DTNB: variants seen among roughly 807,000 people sequenced by gnomAD.
DTNB encodes the protein DTN-B.
In DTNB, 63 loss-of-function variants were observed where a neutral mutation model predicts 90.7. That is an observed-to-expected ratio of 0.69 (90% CI 0.57 to 0.86). The LOEUF (loss-of-function observed/expected upper bound fraction) is 0.86. DTNB is among the 40% of genes least tolerant of loss of function. DTNB has a pLI of 0.00. For missense variants in DTNB, 744 were observed against 807.1 expected (o/e 0.92, Z 0.95); for synonymous variants, 277 against 286.7 (o/e 0.97, Z 0.34).
At chr2:25,445,983 AT>A (rs1479574380) in intron 12 of DTNB, among the ~76,000 whole-genome samples, 1 of 151,420 alleles carries the variant, frequency 6.6e-6, no homozygotes, top group Non-Finnish European at 1.5e-5. Context: ...GTTTTGAATA[AT>A]AAACTAGCTA....
chr2:25,432,060 A>T (rs2054038612), intron 14 of DTNB, among the ~76,000 whole-genome samples: 1 of 152,224 alleles, frequency 6.6e-6, no homozygotes, highest in African/African-American at 2.4e-5. Context: ...CTCTGGGAAA[A>T]GAAACAAGAG....
At chr2:25,610,308 C>T (rs2068253293) in intron 4 of DTNB, among the ~76,000 whole-genome samples, 1 of 152,096 alleles carries the variant, frequency 6.6e-6, no homozygotes, top group Admixed American at 6.5e-5. Flanking sequence ...TTTAGCTACA[C>T]TTCCTTTTAT....
intron 3 of DTNB, among the ~76,000 whole-genome samples, chr2:25,631,319 C>G (rs1001567140): frequency 2.0e-5 from 3 of 152,050 alleles, no homozygotes; most frequent in South Asian, 2.1e-4. Context: ...CTTGGTGCAG[C>G]GGCTCATGTC....
At chr2:25,663,204 C>CT (rs1484166015) in intron 1 of DTNB, among the ~76,000 whole-genome samples, 1 of 152,130 alleles carries the variant, frequency 6.6e-6, no homozygotes, top group African/African-American at 2.4e-5. Context: ...AGAATGATGG[C>CT]TTCCAGCTTC....
intron 19 of DTNB, among the ~76,000 whole-genome samples, chr2:25,380,214 A>G (rs757235242): frequency 5.9e-5 from 9 of 152,188 alleles, no homozygotes; most frequent in Non-Finnish European, 8.8e-5. Context: ...TTACGTCAGT[A>G]TGGTTTCAAC....
chr2:25,604,399 T>TTCTC (rs112805986), intron 5 of DTNB, among the ~76,000 whole-genome samples: 60 of 149,272 alleles, frequency 4.0e-4, no homozygotes, highest in South Asian at 1.7e-3. Context: ...TCTCCCTTCT[T>TTCTC]TCTCTCTCTC....
At chr2:25,509,746 C>CTTTTTTTTT (rs36101268) in intron 9 of DTNB, among the ~76,000 whole-genome samples, 8 of 83,736 alleles carry the variant, frequency 9.6e-5, no homozygotes, top group African/African-American at 1.9e-4. Flanking sequence ...CTTTTAGATT[C>CTTTTTTTTT]TTTTTTTTTT....
chr2:25,521,783 G>T (rs771452711), intron 9 of DTNB, among the ~76,000 whole-genome samples: 1 of 152,174 alleles, frequency 6.6e-6, no homozygotes, highest in East Asian at 1.9e-4. Flanking sequence ...AAATGTAAAG[G>T]TCTTGTTAGA....
chr2:25,597,827 T>A (rs1017950858), intron 5 of DTNB, among the ~76,000 whole-genome samples: 3 of 152,046 alleles, frequency 2.0e-5, no homozygotes, highest in Admixed American at 2.0e-4. Context: ...ATGGTCCTTA[T>A]CCCCCAAGAA....
rs77066833 is a variant in DTNB, at chr2:25,452,480, C to T, written c.1170-845G>A. Among the ~76,000 whole-genome samples the T allele has an allele frequency of 2.6e-3, 396 of 152,258 alleles. 3 individuals are homozygous for T. The highest frequency in any genetic ancestry group is 8.7e-3 in the African/African-American group (361 of 41,538). On this transcript the variant is annotated intron_variant, in intron 11 of 20. Coordinates refer to ENST00000406818, the MANE Select transcript of DTNB (RefSeq NM_021907.5). ...TTTAGGACTGGCAGATGCTTTAAGA[C>T]GACAGTGATGATGTTGACTAAATGA...
rs370224761 is a variant in DTNB, at chr2:25,388,254, C to T, written c.1683G>A (p.Pro561=). 12 of 1,607,012 alleles carry T rather than the reference C, an allele frequency of 7.5e-6. No homozygotes were observed. In the Admixed American group the frequency reaches 8.5e-5, roughly 11 times the overall value. ...TSAGSTPTHC[P]QDSLSGVGGD... ...CCCCGACTCCGCTCAGCGAGTCCTG[C>T]GGACAGTGGGTGGGGGTGGAGCCGG... is the stretch of plus-strand genomic sequence containing the variant. The change falls in exon 17 of 21, where the codon CCG becomes CCA. Residue 561 remains proline, a synonymous_variant. Coordinates refer to ENST00000406818, the MANE Select transcript of DTNB (RefSeq NM_021907.5).
At chr2:25,570,486 G>C (rs915722995) in intron 8 of DTNB, among the ~76,000 whole-genome samples, 1 of 150,136 alleles carries the variant, frequency 6.7e-6, no homozygotes, top group Non-Finnish European at 1.5e-5. Flanking sequence ...AGGAGACTTA[G>C]CTATTCTAGC....
At chr2:25,417,989 G>A (rs982754641) in intron 16 of DTNB, among the ~76,000 whole-genome samples, 9 of 152,176 alleles carry the variant, frequency 5.9e-5, no homozygotes, top group Admixed American at 4.6e-4. Context: ...AGGAAGTGAT[G>A]CGTGTCACTT....
chr2:25,510,519 T>C (rs2073705253), intron 9 of DTNB, among the ~76,000 whole-genome samples: 1 of 152,050 alleles, frequency 6.6e-6, no homozygotes, highest in Non-Finnish European at 1.5e-5. Flanking sequence ...TCTTCTTTTT[T>C]TTTTTTGAGA....
At chr2:25,434,020 GTT>G in intron 12 of DTNB, 25 bp from the exon 13 acceptor site, 2 of 1,359,326 alleles carry the variant, frequency 1.5e-6, no homozygotes, top group Admixed American at 2.0e-5. Context: ...TCGGGAGAAA[GTT>G]TTTTTTTTTC....
At chr2:25,650,043 G>A in intron 2 of DTNB, 3 of 985,394 alleles carry the variant, frequency 3.0e-6, no homozygotes, top group Non-Finnish European at 3.6e-6. Flanking sequence ...CAGACTGACT[G>A]TTATCCTTAA....
intron 9 of DTNB, among the ~76,000 whole-genome samples, chr2:25,514,645 TAAGTTCAC>T (rs1260046856): frequency 6.6e-6 from 1 of 151,794 alleles, no homozygotes; most frequent in East Asian, 1.9e-4. Context: ...ATTTGTATTG[TAAGTTCAC>T]ATAAAAAGAA....
At chr2:25,519,056 G>GT (rs1473901295) in intron 9 of DTNB, among the ~76,000 whole-genome samples, 1 of 152,092 alleles carries the variant, frequency 6.6e-6, no homozygotes, top group African/African-American at 2.4e-5. Flanking sequence ...GTCACCAACG[G>GT]TAAGTTTTTC....
At chr2:25,639,866 C>T (rs1009627812) in intron 2 of DTNB, among the ~76,000 whole-genome samples, 31 of 152,186 alleles carry the variant, frequency 2.0e-4, no homozygotes, top group African/African-American at 7.2e-4. Flanking sequence ...CGTGAGAAAG[C>T]CCAGACTGAT....
Sources: allele counts gnomAD v4.1 joint callset (sites outside exome capture counted in the v4.1 genomes callset), GRCh38; gene constraint gnomAD v4.1.1; transcripts MANE v1.5; gene names NCBI Gene and HGNC (gene_info 2026-07-23, HGNC 2026-07-21).